Variants in PCDHGB6 observed in about 807,000 individuals in gnomAD.
The protein encoded by PCDHGB6 is protocadherin gamma subfamily B, 6, also known as protocadherin gamma-B6.
PCDHGB6 carries 51 observed loss-of-function variants against 59.1 expected under a neutral mutation model. The ratio of observed to expected loss-of-function variants is 0.86; its 90% CI spans 0.69 to 1.09. The LOEUF (loss-of-function observed/expected upper bound fraction) is 1.09, where lower values mean the gene tolerates loss of function less well. Among genes scored for constraint, PCDHGB6 ranks in the 50% least tolerant of loss-of-function variants. The probability of loss-of-function intolerance (pLI) is 0.00; values close to 1 mark genes in which losing one functional copy is unlikely to be tolerated. For missense variants in PCDHGB6, 1,148 were observed against 1,205.1 expected (o/e 0.95, Z 0.70); for synonymous variants, 466 against 495.1 (o/e 0.94, Z 0.78).
At chr5:141,446,079 A>T (rs2098487021) in intron 1 of PCDHGB6, among the ~76,000 whole-genome samples, 1 of 152,234 alleles carries the variant, frequency 6.6e-6, no homozygotes, top group Non-Finnish European at 1.5e-5. Context: ...CAGTGGATGT[A>T]GAAATAAATG....
At chr5:141,437,047 G>C (rs2097860477) in intron 1 of PCDHGB6, among the ~76,000 whole-genome samples, 1 of 152,214 alleles carries the variant, frequency 6.6e-6, no homozygotes, top group Admixed American at 6.5e-5. Context: ...AAACCAGAAG[G>C]CTGGTGATCA....
Position 141,485,602 on chromosome 5 carries a change from G to A in PCDHGB6, c.2419-9205G>A, listed in dbSNP as rs766134158. On this transcript the variant is annotated intron_variant, in intron 1 of 3. Transcript: ENST00000520790. The surrounding 1 kb of genome is among the most constrained non-coding windows in gnomAD (Gnocchi z 5.7). ...GGCAGCAGCTGGACTTGGAAATTGG[G>A]GAGGCAGCTCCTCCAGGACAGCGTT... is the stretch of plus-strand genomic sequence containing the variant. 2.5e-6 allele frequency: 4 copies of A among 1,612,418 alleles called. No individual in the cohort carries two copies. In the Admixed American group the frequency reaches 5.0e-5, roughly 20 times the overall value.
At chr5:141,417,949 TGA>T (rs2096196504) in intron 1 of PCDHGB6, 1 of 1,613,400 alleles carries the variant, frequency 6.2e-7, no homozygotes, top group Non-Finnish European at 8.5e-7. Context: ...CCACGCTGTG[TGA>T]GCCGATCCGC....
At chr5:141,492,778 G>A (rs2099743821) in intron 1 of PCDHGB6, among the ~76,000 whole-genome samples, 1 of 152,250 alleles carries the variant, frequency 6.6e-6, no homozygotes, top group South Asian at 2.1e-4. Context: ...GAGTGAGTGA[G>A]CCTCTATAGG....
intron 1 of PCDHGB6, chr5:141,411,430 A>C (rs918915726): frequency 6.6e-6 from 1 of 151,188 alleles, no homozygotes; most frequent in Admixed American, 6.6e-5. Context: ...CAACAAAAAA[A>C]AACATTAGCA....
chr5:141,430,643 T>G (rs1432236231), intron 1 of PCDHGB6: 16 of 946,950 alleles, frequency 1.7e-5, no homozygotes, highest in South Asian at 2.5e-5. Flanking sequence ...CCTGGGAGTA[T>G]GTGGAAACAA....
Position 141,491,842 on chromosome 5 carries a change from T to C in PCDHGB6, c.2419-2965T>C, listed in dbSNP as rs551615550. The C allele has an allele frequency of 7.5e-6, 11 of 1,464,162 alleles. No homozygotes were observed. In the South Asian group the frequency reaches 1.3e-4, roughly 17 times the overall value. 90.7% of individuals were successfully genotyped at this position (1,464,162 alleles called of 1,614,324 possible). ...GCGCTCCACCCGATTCTCGGGATCA[T>C]TGGACCGTTTGCGCGAAACCAGAGT... On this transcript the variant is annotated intron_variant, in intron 1 of 3. Transcript: ENST00000520790. The surrounding 1 kb of genome is among the most constrained non-coding windows in gnomAD (Gnocchi z 6.9).
chr5:141,416,169 TAA>T (rs1350204040), intron 1 of PCDHGB6: 1 of 152,706 alleles, frequency 6.5e-6, no homozygotes, highest in African/African-American at 2.4e-5. Flanking sequence ...TTGAATATAC[TAA>T]GTTTTTCATT....
intron 1 of PCDHGB6, 169 bp downstream of exon 1, chr5:141,410,789 A>C: frequency 1.3e-6 from 1 of 794,444 alleles, no homozygotes; most frequent in Non-Finnish European, 1.8e-6. Context: ...TATTTGGTTC[A>C]TAAGTTGCTC....
chr5:141,506,688 T>G (rs114532236), intron 3 of PCDHGB6, among the ~76,000 whole-genome samples: 2,113 of 152,334 alleles, frequency 0.014, 37 homozygotes, highest in African/African-American at 0.048. Flanking sequence ...TTATCTTTGC[T>G]GACCCAAACC....
chr5:141,476,843 G>A lies in PCDHGB6; in HGVS notation c.2419-17964G>A, dbSNP rs2099399765. On this transcript the variant is annotated intron_variant, in intron 1 of 3. Transcript: ENST00000520790. The surrounding 1 kb of genome is among the most constrained non-coding windows in gnomAD (Gnocchi z 7.6). ...GCTGGACGCGAATGACAATGCGCCT[G>A]TCTTCAACCAGTCCTTGTACCGGGC... 1 of 1,613,706 alleles carries A rather than the reference G, an allele frequency of 6.2e-7. No individual in the cohort carries two copies. Among genetic ancestry groups the A allele is most frequent in the Non-Finnish European group, 8.5e-7 (1 of 1,180,046 alleles).
In PCDHGB6 at chr5:141,409,898, G is replaced by A; in HGVS notation, c.1696G>A (p.Ala566Thr). 1 of 1,613,240 alleles carries A rather than the reference G, an allele frequency of 6.2e-7. No individual in the cohort carries two copies. The highest frequency in any genetic ancestry group is 8.5e-7 in the Non-Finnish European group (1 of 1,179,710). ...CAACGCACCGCGGGTGCTGTACCCA[G>A]CTCTGGGTCCTGACGGCTCCGCGTT... is the stretch of plus-strand genomic sequence containing the variant. ...NDNAPRVLYP[A>T]LGPDGSAFFD... The change falls in exon 1 of 4, where the codon GCT becomes ACT. Residue 566 changes from alanine to threonine, a missense_variant. Coordinates refer to ENST00000520790, the MANE Select transcript of PCDHGB6 (RefSeq NM_018926.3).
chr5:141,472,533 C>A (rs1200612581), intron 1 of PCDHGB6, among the ~76,000 whole-genome samples: 3 of 150,970 alleles, frequency 2.0e-5, no homozygotes, highest in African/African-American at 7.3e-5. Flanking sequence ...GAGTGAGACA[C>A]CATCTCAAGA....
chr5:141,454,567 C>G (rs572130062), intron 1 of PCDHGB6, among the ~76,000 whole-genome samples: 1 of 150,856 alleles, frequency 6.6e-6, no homozygotes, highest in Non-Finnish European at 1.5e-5. Flanking sequence ...CCACCACGCC[C>G]GGCTAATTTT....
intron 1 of PCDHGB6, chr5:141,420,202 C>G: frequency 1.2e-6 from 2 of 1,613,256 alleles, no homozygotes; most frequent in Non-Finnish European, 1.7e-6. Context: ...AAGATAACCT[C>G]AACAAAGATA....
At chr5:141,441,004 C>G (rs1258800474) in intron 1 of PCDHGB6, 1 of 152,066 alleles carries the variant, frequency 6.6e-6, no homozygotes, top group African/African-American at 2.4e-5. Flanking sequence ...TCTAGTTTGG[C>G]CTTGATCAAA....
chr5:141,458,888 T>C (rs756640295), intron 1 of PCDHGB6, among the ~76,000 whole-genome samples: 3 of 152,118 alleles, frequency 2.0e-5, no homozygotes, highest in Non-Finnish European at 2.9e-5. Flanking sequence ...ATGCACACCA[T>C]GCGCAGCTAA....
intron 1 of PCDHGB6, among the ~76,000 whole-genome samples, chr5:141,452,579 A>G (rs1320327475): frequency 6.6e-6 from 1 of 151,944 alleles, no homozygotes; most frequent in Non-Finnish European, 1.5e-5. Context: ...CCCCCTTTCC[A>G]TCTTTGTATT....
chr5:141,410,199 A>G lies in PCDHGB6; in HGVS notation c.1997A>G (p.Asp666Gly). The change falls in exon 1 of 4, where the codon GAC becomes GGC. Residue 666 changes from aspartate to glycine, a missense_variant. By Grantham distance (94) the Asp-to-Gly change is moderately conservative. Transcript: ENST00000520790. Reference sequence around the variant, plus strand: ...GCCACGCTTCATCTGGTCTTCGCAGACAACTTGCAAGAGATACTGCCAGAC... The same window carrying G: ...GCCACGCTTCATCTGGTCTTCGCAGGCAACTTGCAAGAGATACTGCCAGAC... ...ATATLHLVFADNLQEILPDLS... is the reference protein window; with the variant it reads ...ATATLHLVFAGNLQEILPDLS... 6.2e-7 allele frequency: 1 copy of G among 1,613,998 alleles called. No individual in the cohort carries two copies. The highest frequency in any genetic ancestry group is 1.1e-5 in the South Asian group (1 of 91,088).
Sources: allele counts gnomAD v4.1 joint callset (sites outside exome capture counted in the v4.1 genomes callset), GRCh38; gene constraint gnomAD v4.1.1; non-coding constraint Gnocchi (gnomAD v3.1); transcripts MANE v1.5; gene names NCBI Gene and HGNC (gene_info 2026-07-23, HGNC 2026-07-21).